Variants in SMURF1 observed in about 807,000 individuals in gnomAD.
SMURF1 encodes E3 ubiquitin-protein ligase SMURF1.
In SMURF1, 44 loss-of-function variants were observed where a neutral mutation model predicts 98.0. The observed-to-expected ratio is 0.45, with a 90% CI of 0.35 to 0.58. The LOEUF is 0.58. Among genes scored for constraint, SMURF1 ranks in the 20% least tolerant of loss-of-function variants. The pLI, the probability that SMURF1 is intolerant of heterozygous loss-of-function variation, is 0.00. For synonymous variants in SMURF1, 396 were observed against 374.9 expected, an observed-to-expected ratio of 1.06 and a Z score of -0.65; for missense variants, 687 against 938.4, an observed-to-expected ratio of 0.73 and a Z score of 3.50.
Position 99,038,459 on chromosome 7 carries a change from G to A in SMURF1, c.1617C>T (p.Ile539=), listed in dbSNP as rs759672804. 6.2e-7 allele frequency: 1 copy of A among 1,614,134 alleles called. No individual in the cohort carries two copies. The highest frequency in any genetic ancestry group is 8.5e-7 in the Non-Finnish European group (1 of 1,180,048). ...FCVEHNAFGR[I]LQHELKPNGR... ...CATTGGGTTTCAGTTCATGCTGCAG[G>A]ATCCGCCCGAAGGCGTTGTGTTCCA... Residue 539 remains isoleucine, a synonymous_variant, in exon 14 of 18, where the codon ATC becomes ATT. Coordinates refer to ENST00000361368, the MANE Select transcript of SMURF1 (RefSeq NM_181349.3).
intron 1 of SMURF1, among the ~76,000 whole-genome samples, chr7:99,066,040 G>A (rs1271173290): frequency 2.7e-5 from 4 of 146,708 alleles, no homozygotes; most frequent in Non-Finnish European, 4.5e-5. Flanking sequence ...GTGAGATTCC[G>A]TCTCAAAAAA....
chr7:99,036,919 G>C, intron 15 of SMURF1, 148 bp downstream of exon 15: 1 of 1,170,894 alleles, frequency 8.5e-7, no homozygotes, highest in Non-Finnish European at 1.2e-6. Context: ...CCCCACTCTT[G>C]CTCCAGCCCT....
intron 1 of SMURF1, among the ~76,000 whole-genome samples, chr7:99,136,103 C>T (rs1210545753): frequency 2.0e-5 from 3 of 152,316 alleles, no homozygotes; most frequent in African/African-American, 7.2e-5. Flanking sequence ...AGCTGATGAT[C>T]GCTTGAGCCC....
intron 12 of SMURF1, 73 bp from the exon 13 acceptor site, chr7:99,040,629 A>G: frequency 7.5e-7 from 1 of 1,327,076 alleles, no homozygotes; most frequent in Non-Finnish European, 9.7e-7. Context: ...TGCTGTCCCC[A>G]AGCTTCTTGG....
chr7:99,116,051 C>A (rs1797441238), intron 1 of SMURF1, among the ~76,000 whole-genome samples: 3 of 152,036 alleles, frequency 2.0e-5, no homozygotes, highest in African/African-American at 4.8e-5. Context: ...GAAATATGCA[C>A]AAATTTAACA....
chr7:99,065,774 G>A (rs1355340554), intron 1 of SMURF1, among the ~76,000 whole-genome samples: 14 of 151,994 alleles, frequency 9.2e-5, no homozygotes, highest in African/African-American at 2.4e-4. Context: ...GAGGCTGGGC[G>A]CGGTGGCTTA....
At chr7:99,088,037 A>G (rs1227162746) in intron 1 of SMURF1, among the ~76,000 whole-genome samples, 25 of 152,066 alleles carry the variant, frequency 1.6e-4, no homozygotes, top group African/African-American at 6.0e-4. Flanking sequence ...CAGGTGGATC[A>G]CCTGAGGTCA....
intron 3 of SMURF1, among the ~76,000 whole-genome samples, 172 bp from the exon 4 acceptor site, chr7:99,057,723 G>A (rs183546016): frequency 3.8e-4 from 57 of 150,866 alleles, no homozygotes; most frequent in Non-Finnish European, 3.1e-4. Context: ...TCAGCCTCCC[G>A]AGTAGCTGGG....
In SMURF1 at chr7:99,052,357, G is replaced by T. The variant is rs1406798894; in HGVS notation, c.569C>A (p.Ala190Asp). The T allele has an allele frequency of 6.2e-7, 1 of 1,612,492 alleles. No individual in the cohort carries two copies. The highest frequency in any genetic ancestry group is 2.2e-5 in the East Asian group (1 of 44,852). Residue 190 changes from alanine to aspartate, a missense_variant, in exon 7 of 18, where the codon GCT (alanine) becomes GAT (aspartate). Physicochemically the swap from Ala to Asp is moderately radical, Grantham distance 126 (BLOSUM62 -2). Transcript: ENST00000361368. ...CACGAACCTGCAATTCCCTCCTCCA[G>T]CAGCAGCACCGGTGCTATCTGTGTA... ...APYTDSTGAA[A>D]GGGNCRFVES...
intron 1 of SMURF1, among the ~76,000 whole-genome samples, chr7:99,112,778 A>G (rs1205827043): frequency 6.6e-6 from 1 of 152,208 alleles, no homozygotes; most frequent in Non-Finnish European, 1.5e-5. Flanking sequence ...CCATGAGAAC[A>G]GTGTCTCAAC....
chr7:99,067,242 C>G (rs556436929), intron 1 of SMURF1, among the ~76,000 whole-genome samples: 2 of 151,930 alleles, frequency 1.3e-5, no homozygotes, highest in African/African-American at 2.4e-5. Context: ...ATGGTCCACC[C>G]GCCTCGGCCT....
chr7:99,052,897 C>G (rs1795793988), intron 6 of SMURF1, among the ~76,000 whole-genome samples: 1 of 152,148 alleles, frequency 6.6e-6, no homozygotes, highest in South Asian at 2.1e-4. Flanking sequence ...AACCGCATCT[C>G]TACTAAAAAT....
Position 99,037,072 on chromosome 7 carries a change from G to T in SMURF1, c.1804C>A (p.Leu602Met). 6.2e-7 allele frequency: 1 copy of T among 1,613,848 alleles called. No individual in the cohort carries two copies. Among genetic ancestry groups the T allele is most frequent in the Non-Finnish European group, 8.5e-7 (1 of 1,180,018 alleles). The part of the protein sequence containing the change: ...HLLKPFDQKE[L>M]ELIIGGLDKI... Reference sequence around the variant, plus strand: ...TCCGCACAGCAGGCACATACCTCCAGTTCCTTCTGGTCAAAAGGCTTCAGC... The same window carrying T: ...TCCGCACAGCAGGCACATACCTCCATTTCCTTCTGGTCAAAAGGCTTCAGC... The change falls in exon 15 of 18, where the codon CTG becomes ATG. Residue 602 changes from leucine to methionine, a missense_variant. Physicochemically the swap from Leu to Met is conservative, Grantham distance 15. Transcript: ENST00000361368.
intron 11 of SMURF1, among the ~76,000 whole-genome samples, chr7:99,044,525 A>G (rs544143436): frequency 6.6e-6 from 1 of 152,242 alleles, no homozygotes; most frequent in African/African-American, 2.4e-5. Flanking sequence ...CTTAACCTTG[A>G]CAACATAAAA....
Position 99,049,193 on chromosome 7 carries a change from A to G in SMURF1, c.953+370T>C, listed in dbSNP as rs530819832. 1.2e-4 allele frequency: 22 copies of G among 189,212 alleles called. No individual in the cohort carries two copies. The South Asian group carries it at 2.5e-3, about 21-fold the overall frequency. 11.7% of individuals were successfully genotyped at this position (189,212 alleles called of 1,614,324 possible). ...CCAAGATAATTCCCAGTTCCAAGGTATCCAGTTCCCCACCGTGCAGGCACT... is the reference window on the plus strand; with the variant it reads ...CCAAGATAATTCCCAGTTCCAAGGTGTCCAGTTCCCCACCGTGCAGGCACT... On this transcript the variant is annotated intron_variant, in intron 9 of 17. Transcript: ENST00000361368.
intron 3 of SMURF1, among the ~76,000 whole-genome samples, chr7:99,058,472 T>G (rs997410513): frequency 6.6e-5 from 10 of 152,184 alleles, no homozygotes; most frequent in African/African-American, 2.4e-4. Flanking sequence ...GTAACATGAT[T>G]CATAAATTCT....
chr7:99,051,537 T>C, intron 7 of SMURF1, 96 bp from the exon 8 acceptor site: 1 of 928,982 alleles, frequency 1.1e-6, no homozygotes, highest in Non-Finnish European at 1.8e-6. Context: ...ATTATCTAAA[T>C]CTAGATAACA....
chr7:99,062,094 A>G (rs1344230235), intron 1 of SMURF1, among the ~76,000 whole-genome samples: 1 of 151,988 alleles, frequency 6.6e-6, no homozygotes, highest in Non-Finnish European at 1.5e-5. Flanking sequence ...GTTGATCAAT[A>G]TACTTTTTTT....
chr7:99,040,339 G>T (rs780881690), intron 13 of SMURF1, 39 bp downstream of exon 13: 1 of 1,421,546 alleles, frequency 7.0e-7, no homozygotes, highest in Admixed American at 2.8e-5. Context: ...CGTGGTGGTG[G>T]GCCCTAAGCC....
Sources: allele counts gnomAD v4.1 joint callset (sites outside exome capture counted in the v4.1 genomes callset), GRCh38; gene constraint gnomAD v4.1.1; transcripts MANE v1.5; gene names NCBI Gene and HGNC (gene_info 2026-07-23, HGNC 2026-07-21).